Variants in CTNNA2 observed in about 807,000 individuals in gnomAD.
The protein encoded by CTNNA2 is catenin alpha-2.
CTNNA2 carries 42 observed loss-of-function variants against 101.0 expected under a neutral mutation model. The observed-to-expected ratio is 0.42, with a 90% CI of 0.32 to 0.54. The LOEUF is 0.54. CTNNA2 is among the 20% of genes least tolerant of loss of function. The pLI, the probability that CTNNA2 is intolerant of heterozygous loss-of-function variation, is 0.14. For synonymous variants in CTNNA2, 450 were observed against 456.4 expected (o/e 0.99, Z 0.18); for missense variants, 871 against 1,223.1 (o/e 0.71, Z 4.29).
chr2:79,461,851 A>G (rs1381252260), intron 4 of CTNNA2, among the ~76,000 whole-genome samples: 2 of 152,112 alleles, frequency 1.3e-5, no homozygotes, highest in African/African-American at 4.8e-5. Flanking sequence ...GAGAGAATAA[A>G]TTGTCACTTC....
intron 15 of CTNNA2, among the ~76,000 whole-genome samples, chr2:80,598,257 A>G (rs886960489): frequency 6.6e-6 from 1 of 152,134 alleles, no homozygotes; most frequent in Non-Finnish European, 1.5e-5. Flanking sequence ...AACAATGAAA[A>G]CACATGGACA....
intron 9 of CTNNA2, among the ~76,000 whole-genome samples, chr2:80,517,562 C>T (rs1468947575): frequency 2.0e-5 from 3 of 152,136 alleles, no homozygotes; most frequent in Non-Finnish European, 2.9e-5. Context: ...CACTTACAGG[C>T]GTCTATTAAT....
At chr2:79,803,584 G>A (rs965541328) in intron 3 of CTNNA2, among the ~76,000 whole-genome samples, 12 of 152,360 alleles carry the variant, frequency 7.9e-5, no homozygotes, top group East Asian at 1.9e-4. Context: ...CGCCCTGGGC[G>A]GGCCAGGTGT....
chr2:79,532,422 T>G (rs1192588682), intron 1 of CTNNA2, among the ~76,000 whole-genome samples: 1 of 152,162 alleles, frequency 6.6e-6, no homozygotes, highest in Non-Finnish European at 1.5e-5. Flanking sequence ...ATTGTGCTAT[T>G]TTGCTATAGT....
Position 79,637,646 on chromosome 2 carries a change from C to T in CTNNA2, c.-5-13906C>T, listed in dbSNP as rs558827179. On this transcript the variant is annotated intron_variant, in intron 1 of 18. Coordinates refer to ENST00000402739, the MANE Select transcript of CTNNA2 (RefSeq NM_001282597.3). ...TGAAAGGTCAAAAATGGCCCCTAAA[C>T]ACTCAGTTATCTTAAACAATACCTT... 3.9e-5 allele frequency among the ~76,000 whole-genome samples: 6 copies of T among 152,328 alleles called. No individual in the cohort carries two copies. In the South Asian group the frequency reaches 1.2e-3, roughly 32 times the overall value.
chr2:80,634,981 A>G (rs2149839180), intron 18 of CTNNA2, among the ~76,000 whole-genome samples: 1 of 152,264 alleles, frequency 6.6e-6, no homozygotes, highest in East Asian at 1.9e-4. Flanking sequence ...AAGGTTGGGA[A>G]CAGTCTACAA....
intron 1 of CTNNA2, among the ~76,000 whole-genome samples, chr2:79,574,796 G>A (rs2685151): frequency 0.6 from 90,645 of 152,026 alleles, 28,293 homozygotes; most frequent in Non-Finnish European, 0.69. Flanking sequence ...TTGCTACACT[G>A]CTTTCCAAAA....
rs1044006129 is a variant in CTNNA2, at chr2:80,335,470, G to A, written c.1057-57741G>A. Among the ~76,000 whole-genome samples the A allele has an allele frequency of 3.3e-5, 5 of 152,258 alleles. No individual in the cohort carries two copies. In the South Asian group the frequency reaches 6.2e-4, roughly 19 times the overall value. ...ACTCTGCCTGGGGTCAGACCACAGG[G>A]CTGTGGGGTCTGAAAGTACAGCGCA... On this transcript the variant is annotated intron_variant, in intron 7 of 18. Transcript: ENST00000402739.
chr2:80,281,076 A>G (rs2149160340), intron 7 of CTNNA2, among the ~76,000 whole-genome samples: 1 of 152,252 alleles, frequency 6.6e-6, no homozygotes, highest in African/African-American at 2.4e-5. Flanking sequence ...ATAAAATGCT[A>G]TTGGCTATTA....
intron 7 of CTNNA2, among the ~76,000 whole-genome samples, chr2:80,194,384 A>T (rs1899705): frequency 6.6e-6 from 1 of 152,024 alleles, no homozygotes; most frequent in African/African-American, 2.4e-5. Context: ...AATTAATGTG[A>T]GATGTTCTTA....
intron 7 of CTNNA2, among the ~76,000 whole-genome samples, chr2:79,923,115 TAC>T (rs1686787555): frequency 6.6e-6 from 1 of 152,104 alleles, no homozygotes; most frequent in African/African-American, 2.4e-5. Context: ...GGATATTTCT[TAC>T]AGAGGGGCAA....
intron 8 of CTNNA2, among the ~76,000 whole-genome samples, chr2:80,394,968 A>T (rs1173822923): frequency 7.6e-6 from 1 of 132,080 alleles, no homozygotes. Context: ...CTCAGTAGTG[A>T]TTACATTTTT....
intron 3 of CTNNA2, among the ~76,000 whole-genome samples, chr2:79,855,479 G>A (rs933144851): frequency 4.2e-4 from 64 of 152,152 alleles, no homozygotes; most frequent in African/African-American, 1.5e-3. Context: ...AGAGCCCCTC[G>A]TTCTGGCAAG....
intron 7 of CTNNA2, among the ~76,000 whole-genome samples, chr2:80,373,655 T>G (rs1675657127): frequency 6.6e-6 from 1 of 152,178 alleles, no homozygotes; most frequent in Non-Finnish European, 1.5e-5. Context: ...TTGAATTATT[T>G]TGCATCCTAT....
At chr2:79,654,486 T>A (rs2104491811) in intron 2 of CTNNA2, among the ~76,000 whole-genome samples, 1 of 152,248 alleles carries the variant, frequency 6.6e-6, no homozygotes, top group East Asian at 1.9e-4. Context: ...ATGCTCCAGA[T>A]CCCTCCGATT....
intron 7 of CTNNA2, among the ~76,000 whole-genome samples, chr2:80,364,212 T>TC (rs1674685318): frequency 6.6e-6 from 1 of 152,120 alleles, no homozygotes. Flanking sequence ...AAATAACTGT[T>TC]CTCCTGTCTT....
intron 2 of CTNNA2, among the ~76,000 whole-genome samples, chr2:79,675,387 G>A (rs1365047126): frequency 6.6e-6 from 1 of 152,136 alleles, no homozygotes; most frequent in Admixed American, 6.5e-5. Context: ...AGAGGGTAGA[G>A]AAGGCATTTA....
chr2:79,829,089 T>A (rs1022295762), intron 3 of CTNNA2, among the ~76,000 whole-genome samples: 16 of 152,152 alleles, frequency 1.1e-4, no homozygotes, highest in African/African-American at 3.6e-4. Flanking sequence ...ACTTGAAGAA[T>A]GAGAACAGTT....
intron 7 of CTNNA2, among the ~76,000 whole-genome samples, chr2:80,022,318 A>G (rs1694623523): frequency 6.6e-6 from 1 of 152,156 alleles, no homozygotes; most frequent in African/African-American, 2.4e-5. Flanking sequence ...CAGGGATTTT[A>G]TTGTCAGGTG....
Sources: allele counts gnomAD v4.1 joint callset (sites outside exome capture counted in the v4.1 genomes callset), GRCh38; gene constraint gnomAD v4.1.1; transcripts MANE v1.5; gene names NCBI Gene and HGNC (gene_info 2026-07-23, HGNC 2026-07-21).